Variants in TMPRSS6 observed in about 807,000 individuals in gnomAD.
The protein encoded by TMPRSS6 is transmembrane protease serine 6.
A neutral mutation model predicts 101.5 loss-of-function variants in TMPRSS6; 67 were observed. The observed-to-expected ratio is 0.66, with a 90% CI of 0.54 to 0.81. The LOEUF is 0.81. TMPRSS6 is among the 30% of genes least tolerant of loss of function. TMPRSS6 has a pLI of 0.00. For synonymous variants in TMPRSS6, 453 were observed against 464.9 expected, an observed-to-expected ratio of 0.97 and a Z score of 0.33; for missense variants, 1,034 against 1,088.7, an observed-to-expected ratio of 0.95 and a Z score of 0.71.
chr22:37,105,581 G>C (rs1405364888), intron 1 of TMPRSS6, among the ~76,000 whole-genome samples: 1 of 152,194 alleles, frequency 6.6e-6, no homozygotes, highest in Non-Finnish European at 1.5e-5. Context: ...TTGCTGGATT[G>C]GGAAGATCCC....
rs1271141732 is a variant in TMPRSS6 at position 37,092,609 on chromosome 22, G to GC, written c.632-2828dup. On this transcript the variant is annotated intron_variant, in intron 6 of 17. Coordinates refer to ENST00000676104, the MANE Select transcript of TMPRSS6 (RefSeq NM_001374504.1). ...CCTCCTGGGTTCAAGCAATTCTCCTGCCTCAGCCTCCCAAGTAGCTGGGAT... is the reference window on the plus strand; with the variant it reads ...CCTCCTGGGTTCAAGCAATTCTCCTGCCCTCAGCCTCCCAAGTAGCTGGGAT... Among the ~76,000 whole-genome samples, 3 of 152,300 alleles carry GC rather than the reference G, an allele frequency of 2.0e-5. No individual in the cohort carries two copies. In the East Asian group the frequency reaches 5.8e-4, roughly 29 times the overall value.
chr22:37,107,638 C>T (rs558580273), intron 1 of TMPRSS6, among the ~76,000 whole-genome samples: 75 of 152,254 alleles, frequency 4.9e-4, no homozygotes, highest in South Asian at 2.1e-3. Flanking sequence ...AAGCCTCGCA[C>T]GGCTTCCATC....
At chr22:37,091,733 T>C (rs1226166133) in intron 6 of TMPRSS6, among the ~76,000 whole-genome samples, 1 of 152,190 alleles carries the variant, frequency 6.6e-6, no homozygotes, top group African/African-American at 2.4e-5. Flanking sequence ...TACCTCTGGG[T>C]AGTTAACTGA....
At chr22:37,097,658 T>C (rs2543507) in intron 3 of TMPRSS6, among the ~76,000 whole-genome samples, 74,897 of 125,870 alleles carry the variant, frequency 0.6, 22,107 homozygotes, top group African/African-American at 0.65. Context: ...GGGGCAGGAG[T>C]GGCCACCGTC....
chr22:37,074,920 ATGAG>A (rs1927484975), intron 11 of TMPRSS6, among the ~76,000 whole-genome samples: 1 of 152,262 alleles, frequency 6.6e-6, no homozygotes, highest in Admixed American at 6.5e-5. Flanking sequence ...GTGGATATGT[ATGAG>A]TGTGTATTCC....
chr22:37,066,030 G>A lies in TMPRSS6; in HGVS notation c.*50C>T. Reference sequence around the variant, plus strand: ...TGTCCCCCTGCTTGGCAGTTGCCCTGGGCTCTCTGAGTCCAGGAGGTGGGC... The same window carrying A: ...TGTCCCCCTGCTTGGCAGTTGCCCTAGGCTCTCTGAGTCCAGGAGGTGGGC... On this transcript the variant is annotated 3_prime_UTR_variant, in exon 18 of 18. Transcript: ENST00000676104. 1 of 1,611,842 alleles carries A rather than the reference G, an allele frequency of 6.2e-7. No homozygotes were observed. The highest frequency in any genetic ancestry group is 8.5e-7 in the Non-Finnish European group (1 of 1,179,274).
chr22:37,103,756 A>G lies in TMPRSS6; in HGVS notation c.-1-338T>C. On this transcript the variant is annotated intron_variant, in intron 1 of 17. Transcript: ENST00000676104. This position sits in a 1 kb window ranked among gnomAD's most constrained non-coding sequence, Gnocchi z 4.4. ...CCTAGAGGCTGCACCCACAGACAGA[A>G]CTGAAGTACATGGGGTGCAGACTTC... 1 of 660,110 alleles carries G rather than the reference A, an allele frequency of 1.5e-6. No homozygotes were observed. The highest frequency in any genetic ancestry group is 2.3e-5 in the Admixed American group (1 of 44,394). 40.9% of individuals were successfully genotyped at this position (660,110 alleles called of 1,614,324 possible). A position where few individuals can be genotyped will look rare whatever the true frequency, so the allele number is the denominator to read the frequency against.
chr22:37,100,555 A>G (rs1319159136), intron 2 of TMPRSS6, among the ~76,000 whole-genome samples: 1 of 152,190 alleles, frequency 6.6e-6, no homozygotes, highest in Non-Finnish European at 1.5e-5. Flanking sequence ...AGAAAGGAGT[A>G]AGGGGAAGGT....
In TMPRSS6 at chr22:37,066,891, G is replaced by A. The variant is rs761474405; in HGVS notation, c.2185C>T (p.Arg729Cys). ...AGCATGCGTGGCGTCACCTGGTAGCGATAGACCTCGCTGCACAGGTCCTGT... is the reference window on the plus strand; with the variant it reads ...AGCATGCGTGGCGTCACCTGGTAGCAATAGACCTCGCTGCACAGGTCCTGT... ...IPQDLCSEVY[R>C]YQVTPRMLCA... is the part of the protein sequence containing the mutation. Residue 729 changes from arginine (R) to cysteine (C), a missense_variant, in exon 17 of 18, where the codon CGC (arginine) becomes TGC (cysteine). By Grantham distance (180) the Arg-to-Cys change is radical. Transcript: ENST00000676104. 33 of 1,614,170 alleles carry A rather than the reference G, an allele frequency of 2.0e-5. No homozygotes were observed. Among genetic ancestry groups the A allele is most frequent in the Middle Eastern group, 1.6e-4 (1 of 6,062 alleles).
rs73886921 is a variant in TMPRSS6 at position 37,077,813 on chromosome 22, G to A, written c.1197-2533C>T. ...TTAAAATTTTGTTTCAATTTCTAATGCTGCAAGTATAGATCTATAACCTGT... is the reference window on the plus strand; with the variant it reads ...TTAAAATTTTGTTTCAATTTCTAATACTGCAAGTATAGATCTATAACCTGT... On this transcript the variant is annotated intron_variant, in intron 10 of 17. Transcript: ENST00000676104. Among the ~76,000 whole-genome samples the A allele has an allele frequency of 8.9e-3, 1,353 of 152,278 alleles. 15 individuals are homozygous for A. The highest frequency in any genetic ancestry group is 0.031 in the African/African-American group (1,277 of 41,552).
chr22:37,080,175 G>C (rs1928151899), intron 10 of TMPRSS6: 1 of 152,286 alleles, frequency 6.6e-6, no homozygotes, highest in Admixed American at 6.5e-5. Context: ...CACGGGCCAA[G>C]TCCCTCTACC....
chr22:37,102,894 G>A (rs115691918), intron 2 of TMPRSS6, among the ~76,000 whole-genome samples: 326 of 152,198 alleles, frequency 2.1e-3, no homozygotes, highest in African/African-American at 7.3e-3. Flanking sequence ...AAGGGAAGGC[G>A]ATGTTTATGC....
At chr22:37,074,767 G>T in intron 11 of TMPRSS6, 59 bp from the exon 12 acceptor site, 1 of 1,561,456 alleles carries the variant, frequency 6.4e-7, no homozygotes, top group Admixed American at 1.7e-5. Context: ...ATGCGTAGCC[G>T]CGAAGGCGCA....
chr22:37,079,023 G>GAAAGAGAA (rs1928045344), intron 10 of TMPRSS6, among the ~76,000 whole-genome samples: 1 of 147,560 alleles, frequency 6.8e-6, no homozygotes, highest in South Asian at 2.2e-4. Flanking sequence ...GAAAGAGAAA[G>GAAAGAGAA]AGAGAAAGAA....
intron 6 of TMPRSS6, among the ~76,000 whole-genome samples, chr22:37,093,396 T>C (rs1929446856): frequency 2.4e-5 from 3 of 127,358 alleles, no homozygotes; most frequent in Non-Finnish European, 5.0e-5. Flanking sequence ...TTTTTTTTTT[T>C]TTTTTTTTTT....
intron 13 of TMPRSS6, 148 bp downstream of exon 13, chr22:37,073,384 A>T: frequency 1.6e-6 from 1 of 618,702 alleles, no homozygotes; most frequent in South Asian, 1.8e-5. Flanking sequence ...GGATGGATGG[A>T]TGGATGGATG....
Position 37,095,470 on chromosome 22 carries a change from T to C in TMPRSS6, c.631+81A>G. The C allele has an allele frequency of 1.3e-6, 2 of 1,557,316 alleles. 1 individual carries two copies. The highest frequency in any genetic ancestry group is 2.3e-5 in the South Asian group (2 of 87,446). ...CTCCCTGCACACACAACAGAAGCCA[T>C]GTGTCCCCCTGATACACAACAAAGT... On this transcript the variant is annotated intron_variant, in intron 6 of 17. Transcript: ENST00000676104.
At chr22:37,082,426 T>C (rs1372646115) in intron 10 of TMPRSS6, 2 of 157,904 alleles carry the variant, frequency 1.3e-5, no homozygotes, top group African/African-American at 4.8e-5. Context: ...AGACATAAAG[T>C]TCAGCTCTGC....
chr22:37,086,481 C>G, intron 7 of TMPRSS6, 62 bp from the exon 8 acceptor site: 2 of 1,418,522 alleles, frequency 1.4e-6, no homozygotes, highest in Non-Finnish European at 1.9e-6. Flanking sequence ...GCAGGGAGGG[C>G]GGCAGGCGGC....
Sources: allele counts gnomAD v4.1 joint callset (sites outside exome capture counted in the v4.1 genomes callset), GRCh38; gene constraint gnomAD v4.1.1; non-coding constraint Gnocchi (gnomAD v3.1); transcripts MANE v1.5; gene names NCBI Gene and HGNC (gene_info 2026-07-23, HGNC 2026-07-21).